Variants in FOXP1 observed in about 807,000 individuals in gnomAD.
FOXP1 encodes forkhead box protein P1.
A neutral mutation model predicts 98.2 loss-of-function variants in FOXP1; 15 were observed. The ratio of observed to expected loss-of-function variants is 0.15; its 90% confidence interval spans 0.10 to 0.24. The LOEUF is 0.24. FOXP1 is among the 10% of genes least tolerant of loss of function. The pLI is 1.00. For missense variants in FOXP1, 633 were observed against 848.5 expected, an observed-to-expected ratio of 0.75 and a Z score of 3.15; for synonymous variants, 371 against 314.5, an observed-to-expected ratio of 1.18 and a Z score of -1.90.
chr3:71,197,559 G>C (rs1482101510), intron 6 of FOXP1, among the ~76,000 whole-genome samples: 1 of 152,098 alleles, frequency 6.6e-6, no homozygotes, highest in African/African-American at 2.4e-5. Flanking sequence ...TACATTTTGG[G>C]GAGGCACCAA....
At chr3:71,418,969 C>T (rs2083423091) in intron 3 of FOXP1, among the ~76,000 whole-genome samples, 1 of 148,264 alleles carries the variant, frequency 6.7e-6, no homozygotes, top group Non-Finnish European at 1.5e-5. Context: ...TGCAGTGGCT[C>T]ACACCTATTA....
At chr3:71,212,779 A>G (rs904028733) in intron 5 of FOXP1, among the ~76,000 whole-genome samples, 9 of 152,164 alleles carry the variant, frequency 5.9e-5, no homozygotes, top group African/African-American at 1.9e-4. Context: ...ATTCCCTGCT[A>G]TTAATCACAC....
In FOXP1 at chr3:70,954,711, T is replaced by C. The variant is rs550105200; in HGVS notation, c.*4536A>G. ...AACAAACTTAGGCTGTGGCAACTTT[T>C]ACTACCAGCGTGAACAACCAGCATT... On this transcript the variant is annotated 3_prime_UTR_variant, in exon 21 of 21. Transcript: ENST00000649528. 1.1e-4 allele frequency: 24 copies of C among 222,374 alleles called. No individual in the cohort carries two copies. The East Asian group carries it at 1.4e-3, about 13-fold the overall frequency. 13.8% of individuals were successfully genotyped at this position (222,374 alleles called of 1,614,324 possible).
intron 4 of FOXP1, among the ~76,000 whole-genome samples, chr3:71,340,722 T>TA (rs113932822): frequency 1.3e-5 from 2 of 151,942 alleles, no homozygotes; most frequent in South Asian, 2.1e-4. Context: ...CTGCCCACAA[T>TA]AAAAAAAATT....
At position 71,053,773 on chromosome 3, in the gene FOXP1, C is replaced by T; in HGVS notation, c.283G>A (p.Val95Ile). Residue 95 changes from valine (V) to isoleucine (I), a missense_variant and splice_region_variant, in exon 8 of 21, where the codon GTT becomes ATT. Transcript: ENST00000649528. Reference protein sequence around the residue: ...KRNDKQPALQVPVSVAMMTPQ... With the variant: ...KRNDKQPALQIPVSVAMMTPQ... ...GTCATCATAGCCACTGACACGGGAA[C>T]CTAGAATGTTAATGAAGGATAAATA... 1 of 1,613,870 alleles carries T rather than the reference C, an allele frequency of 6.2e-7. No individual in the cohort carries two copies. Among genetic ancestry groups the T allele is most frequent in the Non-Finnish European group, 8.5e-7 (1 of 1,179,934 alleles).
At chr3:71,242,198 C>G (rs565814348) in intron 5 of FOXP1, among the ~76,000 whole-genome samples, 2 of 152,166 alleles carry the variant, frequency 1.3e-5, no homozygotes, top group Non-Finnish European at 2.9e-5. Flanking sequence ...ATTACTAACC[C>G]CCCATATTCA....
chr3:71,248,757 AAT>A (rs1228562283), intron 5 of FOXP1, among the ~76,000 whole-genome samples: 3 of 131,920 alleles, frequency 2.3e-5, no homozygotes, highest in African/African-American at 5.7e-5. Flanking sequence ...AAAAAAAAAA[AAT>A]TCAGCATGAA....
chr3:71,250,314 T>G (rs2068080775), intron 5 of FOXP1, among the ~76,000 whole-genome samples: 1 of 152,204 alleles, frequency 6.6e-6, no homozygotes, highest in Non-Finnish European at 1.5e-5. Flanking sequence ...GAACTTTCTG[T>G]GACAACGGAA....
At chr3:71,364,107 A>G (rs1389474760) in intron 3 of FOXP1, among the ~76,000 whole-genome samples, 2 of 152,320 alleles carry the variant, frequency 1.3e-5, no homozygotes, top group Non-Finnish European at 2.9e-5. Context: ...GGCGCGTGCC[A>G]TCACACCCGG....
chr3:71,089,735 C>T (rs967165364), intron 7 of FOXP1, among the ~76,000 whole-genome samples: 12 of 152,184 alleles, frequency 7.9e-5, no homozygotes, highest in Non-Finnish European at 7.3e-5. Context: ...AATCAGGGTA[C>T]AAAGATACAA....
At chr3:71,422,494 G>C (rs1291399845) in intron 3 of FOXP1, among the ~76,000 whole-genome samples, 1 of 152,190 alleles carries the variant, frequency 6.6e-6, no homozygotes, top group African/African-American at 2.4e-5. Context: ...GAGGGCATGG[G>C]GTCCCTCCCC....
chr3:71,082,642 AAAC>A (rs1039515164), intron 7 of FOXP1, among the ~76,000 whole-genome samples: 9 of 152,100 alleles, frequency 5.9e-5, no homozygotes, highest in South Asian at 2.1e-4. Flanking sequence ...AAAAAAAAGA[AAAC>A]AACAACAACA....
intron 6 of FOXP1, chr3:71,130,535 G>C (rs2059504293): frequency 1.3e-6 from 2 of 1,598,434 alleles, no homozygotes; most frequent in Non-Finnish European, 1.7e-6. Flanking sequence ...AGCCCGTACT[G>C]TCTGCCTTTG....
chr3:71,219,088 C>G (rs557565442), intron 5 of FOXP1, among the ~76,000 whole-genome samples: 1 of 152,354 alleles, frequency 6.6e-6, no homozygotes, highest in African/African-American at 2.4e-5. Flanking sequence ...AATCTTCCTT[C>G]TCTTTTATTT....
At chr3:71,090,069 A>C (rs2055625120) in intron 7 of FOXP1, among the ~76,000 whole-genome samples, 1 of 152,192 alleles carries the variant, frequency 6.6e-6, no homozygotes, top group Non-Finnish European at 1.5e-5. Context: ...AGCCTTCAAA[A>C]AGTTCGAACC....
In FOXP1 at chr3:71,000,096, A is replaced by G. The variant is rs930096635; in HGVS notation, c.1062+876T>C. Reference sequence around the variant, plus strand: ...TTTCTGACCTAATTTTTACTTTTAGAAACTAATTTTCTATTAATTATACCA... The same window carrying G: ...TTTCTGACCTAATTTTTACTTTTAGGAACTAATTTTCTATTAATTATACCA... On this transcript the variant is annotated intron_variant, in intron 13 of 20. Coordinates refer to ENST00000649528, the MANE Select transcript of FOXP1 (RefSeq NM_001349338.3). Among the ~76,000 whole-genome samples, 6 of 152,268 alleles carry G rather than the reference A, an allele frequency of 3.9e-5. No homozygotes were observed. In the East Asian group the frequency reaches 5.8e-4, roughly 15 times the overall value.
chr3:70,969,181 T>G (rs1284637650), intron 19 of FOXP1: 1 of 151,752 alleles, frequency 6.6e-6, no homozygotes, highest in African/African-American at 2.4e-5. Context: ...ATCTTAATAC[T>G]ATTCCATATT....
chr3:70,960,243 G>A (rs563661408), intron 20 of FOXP1, among the ~76,000 whole-genome samples: 2 of 152,302 alleles, frequency 1.3e-5, no homozygotes, highest in East Asian at 3.9e-4. Flanking sequence ...CAAACGTAGA[G>A]GAAAAGGCTC....
At position 70,966,005 on chromosome 3, in the gene FOXP1, T is replaced by G; in HGVS notation, c.1774A>C (p.Asn592His). 2 of 1,614,156 alleles carry G rather than the reference T, an allele frequency of 1.2e-6. No homozygotes were observed. The highest frequency in any genetic ancestry group is 2.2e-5 in the South Asian group (2 of 91,084). ...IPLYTTASMG[N>H]PTLGNLASAI... ...CTGGCTAAGTTGCCCAGAGTGGGAT[T>G]TCCCATGGAAGCGGTAGTGTATAGA... Residue 592 changes from asparagine to histidine, a missense_variant, in exon 20 of 21, where the codon AAT becomes CAT. This residue lies in a region of FOXP1 where 150 missense variants were observed against 163.7 expected (regional missense o/e 0.92). Transcript: ENST00000649528.
Sources: allele counts gnomAD v4.1 joint callset (sites outside exome capture counted in the v4.1 genomes callset), GRCh38; gene constraint gnomAD v4.1.1; regional missense constraint gnomAD v4.1.1; transcripts MANE v1.5; gene names NCBI Gene and HGNC (gene_info 2026-07-23, HGNC 2026-07-21).